The following GLIS3 variants were observed in gnomAD, a reference collection of about 807,000 sequenced individuals.
The protein encoded by GLIS3 is zinc finger protein GLIS3.
In GLIS3, 53 loss-of-function variants were observed where a neutral mutation model predicts 78.6. That is an observed-to-expected ratio of 0.67 (90% CI 0.54 to 0.85). The LOEUF (loss-of-function observed/expected upper bound fraction) is 0.85. GLIS3 is among the 40% of genes least tolerant of loss of function. The pLI, the probability that GLIS3 is intolerant of heterozygous loss-of-function variation, is 0.00. For synonymous variants in GLIS3, 684 were observed against 509.9 expected (o/e 1.34, Z -4.60); for missense variants, 1,703 against 1,231.1 (o/e 1.38, Z -5.74).
the GLIS3 span, among the ~76,000 whole-genome samples, chr9:4,423,915 G>A: frequency 6.6e-6 from 1 of 152,204 alleles, no homozygotes. Context: ...GGTGGGAAAT[G>A]TGAGCTGATG....
At chr9:4,294,262 A>G (rs1816283063) in intron 1 of GLIS3, among the ~76,000 whole-genome samples, 1 of 152,240 alleles carries the variant, frequency 6.6e-6, no homozygotes, top group Non-Finnish European at 1.5e-5. Context: ...TAATCCCAGT[A>G]CTTTGGGAGG....
the GLIS3 span, chr9:4,386,699 C>T: frequency 6.6e-6 from 1 of 152,086 alleles, no homozygotes; most frequent in African/African-American, 2.4e-5. Flanking sequence ...TGGGGTATGC[C>T]CTATGTAAAT....
At chr9:4,417,260 G>A in the GLIS3 span, among the ~76,000 whole-genome samples, 1 of 152,302 alleles carries the variant, frequency 6.6e-6, no homozygotes, top group African/African-American at 2.4e-5. Context: ...TTAACATGCT[G>A]TGGTGACTGA....
chr9:4,335,521 T>C (rs575508306), intron 2 of GLIS3, among the ~76,000 whole-genome samples: 112 of 152,332 alleles, frequency 7.4e-4, no homozygotes, highest in Non-Finnish European at 1.4e-3. Context: ...GTGCAAAGCC[T>C]TCAAGTGTGA....
the GLIS3 span, among the ~76,000 whole-genome samples, chr9:4,405,484 G>A: frequency 3.9e-5 from 6 of 152,074 alleles, no homozygotes; most frequent in Non-Finnish European, 7.4e-5. Context: ...AGAAGAAATG[G>A]ATAAATTCCT....
At chr9:3,984,587 C>G (rs547359347) in intron 4 of GLIS3, among the ~76,000 whole-genome samples, 37 of 152,178 alleles carry the variant, frequency 2.4e-4, no homozygotes, top group Non-Finnish European at 4.9e-4. Flanking sequence ...TGCCTTGTCT[C>G]AGATGAGACT....
At chr9:4,109,030 G>A (rs1350262218) in intron 4 of GLIS3, among the ~76,000 whole-genome samples, 1 of 152,110 alleles carries the variant, frequency 6.6e-6, no homozygotes, top group Non-Finnish European at 1.5e-5. Context: ...TGGTGTTCAG[G>A]ACTGAGTCAC....
At chr9:4,191,834 C>T (rs1818360084) in intron 2 of GLIS3, among the ~76,000 whole-genome samples, 1 of 151,644 alleles carries the variant, frequency 6.6e-6, no homozygotes, top group Non-Finnish European at 1.5e-5. Context: ...ATGAAAAATA[C>T]TGATGAATCA....
chr9:4,479,117 G>A, the GLIS3 span, among the ~76,000 whole-genome samples: 2 of 152,038 alleles, frequency 1.3e-5, no homozygotes, highest in Non-Finnish European at 2.9e-5. Context: ...GTAGAGACAG[G>A]ATTTCACCAT....
the GLIS3 span, among the ~76,000 whole-genome samples, chr9:4,354,142 A>G: frequency 6.6e-6 from 1 of 152,088 alleles, no homozygotes; most frequent in African/African-American, 2.4e-5. Flanking sequence ...GGCCAACTGC[A>G]GGAAAATTCT....
chr9:4,102,326 G>A (rs577629036), intron 4 of GLIS3, among the ~76,000 whole-genome samples: 4 of 152,250 alleles, frequency 2.6e-5, no homozygotes, highest in Admixed American at 6.5e-5. Flanking sequence ...CTGGGGAAGC[G>A]GCTAAGCGAA....
the GLIS3 span, among the ~76,000 whole-genome samples, chr9:4,483,537 G>A: frequency 6.6e-6 from 1 of 151,958 alleles, no homozygotes; most frequent in Admixed American, 6.6e-5. Flanking sequence ...GACCAACATG[G>A]TGAAACCCCA....
At chr9:3,946,870 C>T (rs1816329498) in intron 4 of GLIS3, among the ~76,000 whole-genome samples, 1 of 151,742 alleles carries the variant, frequency 6.6e-6, no homozygotes. Flanking sequence ...CAGGGAAGAG[C>T]CTCTCATCAG....
At chr9:4,152,283 G>T (rs371432303) in intron 2 of GLIS3, 71 of 176,208 alleles carry the variant, frequency 4.0e-4, no homozygotes, top group Non-Finnish European at 5.9e-4. Context: ...AAGAATACAC[G>T]ACGGGGTTGC....
At chr9:4,400,691 T>C in the GLIS3 span, among the ~76,000 whole-genome samples, 2 of 152,220 alleles carry the variant, frequency 1.3e-5, no homozygotes, top group Non-Finnish European at 1.5e-5. Flanking sequence ...TATACTCTTT[T>C]AGAGGACTTC....
rs575633452 is a variant in GLIS3 at position 3,932,569 on chromosome 9, T to C, written c.1873-99A>G. On this transcript the variant is annotated intron_variant, in intron 5 of 10. Coordinates refer to ENST00000381971, the MANE Select transcript of GLIS3 (RefSeq NM_001042413.2). ...CTATTGACTTCAGAGCATGAACTGT[T>C]ACCAATTGACTGATGTGAAATGCTA... The C allele has an allele frequency of 2.0e-5, 17 of 864,402 alleles. No individual in the cohort carries two copies. In the African/African-American group the frequency reaches 2.0e-4, roughly 10 times the overall value. 53.5% of individuals were successfully genotyped at this position (864,402 alleles called of 1,614,324 possible). A position where few individuals can be genotyped will look rare whatever the true frequency, so the allele number is the denominator to read the frequency against.
intron 2 of GLIS3, among the ~76,000 whole-genome samples, chr9:4,344,317 G>A (rs937444516): frequency 1.3e-5 from 2 of 152,176 alleles, no homozygotes; most frequent in Non-Finnish European, 2.9e-5. Context: ...GGTAAAGCCA[G>A]CAGTCAATTC....
the GLIS3 span, among the ~76,000 whole-genome samples, chr9:4,401,290 A>G: frequency 6.6e-6 from 1 of 151,780 alleles, no homozygotes; most frequent in South Asian, 2.1e-4. Flanking sequence ...ACAGAGTTTC[A>G]CTCTTGTTGC....
chr9:4,393,453 C>T, the GLIS3 span, among the ~76,000 whole-genome samples: 3 of 152,186 alleles, frequency 2.0e-5, no homozygotes, highest in Non-Finnish European at 2.9e-5. Flanking sequence ...AGCTAATCCA[C>T]GTTCCATATC....
Sources: allele counts gnomAD v4.1 joint callset (sites outside exome capture counted in the v4.1 genomes callset), GRCh38; gene constraint gnomAD v4.1.1; transcripts MANE v1.5; gene names NCBI Gene and HGNC (gene_info 2026-07-23, HGNC 2026-07-21).